Variants in PLPPR1 observed in about 807,000 individuals in gnomAD.
The protein encoded by PLPPR1 is phospholipid phosphatase related 1, also known as phospholipid phosphatase-related protein type 1.
PLPPR1 carries 10 observed loss-of-function variants against 33.1 expected under a neutral mutation model. The observed-to-expected ratio is 0.30, with a 90% CI of 0.19 to 0.51. PLPPR1 has a LOEUF of 0.51. PLPPR1 is among the 20% of genes least tolerant of loss of function. The pLI is 0.97. For synonymous variants in PLPPR1, 151 were observed against 151.0 expected, an observed-to-expected ratio of 1.00 and a Z score of 0.00; for missense variants, 304 against 408.1, an observed-to-expected ratio of 0.74 and a Z score of 2.20.
chr9:101,038,951 G>T (rs753584523), intron 1 of PLPPR1, among the ~76,000 whole-genome samples: 1 of 152,096 alleles, frequency 6.6e-6, no homozygotes, highest in African/African-American at 2.4e-5. Context: ...GTTACCTAGG[G>T]AGAGTGTTCA....
At chr9:101,070,562 C>T (rs1465773984) in intron 1 of PLPPR1, among the ~76,000 whole-genome samples, 1 of 152,002 alleles carries the variant, frequency 6.6e-6, no homozygotes, top group African/African-American at 2.4e-5. Flanking sequence ...CTTTCTAGGA[C>T]TAAGGATTGA....
At chr9:101,319,308 C>A (rs1279133362) in intron 7 of PLPPR1, among the ~76,000 whole-genome samples, 1 of 152,212 alleles carries the variant, frequency 6.6e-6, no homozygotes, top group African/African-American at 2.4e-5. Context: ...TCCCAAGTAG[C>A]TGGGACTACA....
intron 2 of PLPPR1, among the ~76,000 whole-genome samples, chr9:101,186,081 G>GA (rs1826197574): frequency 1.3e-5 from 2 of 151,858 alleles, no homozygotes; most frequent in South Asian, 4.1e-4. Context: ...CTTTTGTCCT[G>GA]AATTACTTTG....
chr9:101,043,496 C>T (rs1830108733), intron 1 of PLPPR1, among the ~76,000 whole-genome samples: 1 of 151,416 alleles, frequency 6.6e-6, no homozygotes, highest in African/African-American at 2.4e-5. Flanking sequence ...TACATATATA[C>T]ATACATACAT....
rs1186668831 is a variant in PLPPR1 at position 101,317,283 on chromosome 9, G to A, written c.814-82G>A. On this transcript the variant is annotated intron_variant, in intron 6 of 7. Coordinates refer to ENST00000374874, the MANE Select transcript of PLPPR1 (RefSeq NM_207299.2). Reference sequence around the variant, plus strand: ...GGTCACTCTGGTGATGATATTCAAGGGGAAAGGCCTGCCACCCTCACAGAT... The same window carrying A: ...GGTCACTCTGGTGATGATATTCAAGAGGAAAGGCCTGCCACCCTCACAGAT... The A allele has an allele frequency of 3.5e-6, 5 of 1,448,430 alleles. No individual in the cohort carries two copies. In the African/African-American group the frequency reaches 7.1e-5, roughly 21 times the overall value. The allele number at this position is 1,448,430 out of a possible 1,614,324, so 89.7% of individuals were successfully genotyped here.
At position 101,058,162 on chromosome 9, in the gene PLPPR1, G is replaced by A. The variant is rs77502771; in HGVS notation, c.-46+29060G>A. Among the ~76,000 whole-genome samples the A allele has an allele frequency of 5.1e-3, 775 of 152,190 alleles. 1 individual carries two copies. Among genetic ancestry groups the A allele is most frequent in the Middle Eastern group, 0.01 (3 of 294 alleles). ...TGGCATGACTATTCTATATGGGAGA[G>A]GGGGCGGTATCAGCAGCTATGGTAG... is the stretch of plus-strand genomic sequence containing the variant. On this transcript the variant is annotated intron_variant, in intron 1 of 7. Transcript: ENST00000374874.
At chr9:101,071,279 G>A (rs1487317929) in intron 1 of PLPPR1, among the ~76,000 whole-genome samples, 1 of 152,174 alleles carries the variant, frequency 6.6e-6, no homozygotes, top group Non-Finnish European at 1.5e-5. Flanking sequence ...CAACCAGAAG[G>A]ATGGAAAGCC....
chr9:101,254,893 G>C (rs147808329), intron 2 of PLPPR1, among the ~76,000 whole-genome samples: 1 of 151,982 alleles, frequency 6.6e-6, no homozygotes, highest in African/African-American at 2.4e-5. Flanking sequence ...GTATACCAAC[G>C]AGTGTGACTA....
intron 1 of PLPPR1, among the ~76,000 whole-genome samples, chr9:101,055,861 T>G (rs1172641970): frequency 6.6e-6 from 1 of 152,228 alleles, no homozygotes; most frequent in Non-Finnish European, 1.5e-5. Flanking sequence ...CACAATTAAC[T>G]TCATCTCTTT....
At chr9:101,271,420 AACTTCCT>A (rs1828098774) in intron 3 of PLPPR1, among the ~76,000 whole-genome samples, 1 of 152,222 alleles carries the variant, frequency 6.6e-6, no homozygotes, top group Admixed American at 6.5e-5. Context: ...ATCACAGACC[AACTTCCT>A]ACTTCTGAAA....
At chr9:101,260,372 GC>G (rs1277691598) in intron 2 of PLPPR1, among the ~76,000 whole-genome samples, 1 of 152,104 alleles carries the variant, frequency 6.6e-6, no homozygotes, top group Non-Finnish European at 1.5e-5. Flanking sequence ...CCCAAAGGCA[GC>G]AAAAGCAGGT....
At chr9:101,122,075 A>G (rs1831184246) in intron 1 of PLPPR1, among the ~76,000 whole-genome samples, 1 of 151,216 alleles carries the variant, frequency 6.6e-6, no homozygotes, top group African/African-American at 2.4e-5. Flanking sequence ...TTTGTATGAA[A>G]ACAGACATTG....
intron 2 of PLPPR1, among the ~76,000 whole-genome samples, chr9:101,214,460 T>C (rs1826748988): frequency 6.6e-6 from 1 of 152,160 alleles, no homozygotes; most frequent in Admixed American, 6.5e-5. Flanking sequence ...ATGTACTGTG[T>C]AATAAAATCA....
chr9:101,286,020 C>A, intron 3 of PLPPR1, 84 bp from the exon 4 acceptor site: 1 of 1,081,168 alleles, frequency 9.2e-7, no homozygotes, highest in Non-Finnish European at 1.4e-6. Context: ...GGGTCCTCAA[C>A]AGTTTTGTTT....
intron 2 of PLPPR1, among the ~76,000 whole-genome samples, chr9:101,211,339 A>T (rs927385764): frequency 6.6e-6 from 1 of 152,180 alleles, no homozygotes; most frequent in African/African-American, 2.4e-5. Flanking sequence ...GATCAAGACA[A>T]AAACAAGACT....
At chr9:101,192,350 T>C (rs975511589) in intron 2 of PLPPR1, among the ~76,000 whole-genome samples, 11 of 152,220 alleles carry the variant, frequency 7.2e-5, no homozygotes, top group Non-Finnish European at 1.2e-4. Flanking sequence ...CTTATTAAAG[T>C]ATCATAATTT....
At chr9:101,112,238 A>G (rs1831065993) in intron 1 of PLPPR1, among the ~76,000 whole-genome samples, 1 of 152,322 alleles carries the variant, frequency 6.6e-6, no homozygotes, top group Middle Eastern at 3.4e-3. Context: ...TCATTTCTAT[A>G]TTGTTTTATG....
At chr9:101,257,641 C>G (rs745333007) in intron 2 of PLPPR1, among the ~76,000 whole-genome samples, 3 of 152,082 alleles carry the variant, frequency 2.0e-5, no homozygotes, top group Non-Finnish European at 4.4e-5. Flanking sequence ...CTGGGTTCTT[C>G]TTTATAATTC....
At chr9:101,207,155 A>G (rs575639025) in intron 2 of PLPPR1, among the ~76,000 whole-genome samples, 3 of 152,302 alleles carry the variant, frequency 2.0e-5, no homozygotes, top group African/African-American at 4.8e-5. Flanking sequence ...TATAAACTCC[A>G]TATCTGACAA....
Sources: allele counts gnomAD v4.1 joint callset (sites outside exome capture counted in the v4.1 genomes callset), GRCh38; gene constraint gnomAD v4.1.1; transcripts MANE v1.5; gene names NCBI Gene and HGNC (gene_info 2026-07-23, HGNC 2026-07-21).